The following ENOX2 variants were observed in gnomAD, a reference collection of about 807,000 sequenced individuals.
ENOX2 encodes the protein ecto-NOX disulfide-thiol exchanger 2, also known as APK1 antigen.
In ENOX2, 36 loss-of-function variants were observed where a neutral mutation model predicts 45.0. The ratio of observed to expected loss-of-function variants is 0.80; its 90% CI spans 0.61 to 1.06. The LOEUF (loss-of-function observed/expected upper bound fraction) is 1.06, where lower values mean the gene tolerates loss of function less well. Among genes scored for constraint, ENOX2 ranks in the 50% least tolerant of loss-of-function variants. ENOX2 has a pLI of 0.00. For synonymous variants in ENOX2, 174 were observed against 152.3 expected (o/e 1.14, Z -1.05); for missense variants, 423 against 462.5 (o/e 0.91, Z 0.78).
At chrX:130,889,744 A>T (rs1032146698) in intron 2 of ENOX2, among the ~76,000 whole-genome samples, 1 of 112,696 alleles carries the variant, frequency 8.9e-6, no homozygotes, top group Non-Finnish European at 1.9e-5. Context: ...TAACCATCAA[A>T]GCTGCAAACC....
intron 12 of ENOX2, among the ~76,000 whole-genome samples, chrX:130,632,498 A>G (rs1439298480): frequency 9.1e-6 from 1 of 110,075 alleles, no homozygotes; most frequent in Non-Finnish European, 1.9e-5. Flanking sequence ...CTGTTATTAT[A>G]AATGTGAAGG....
chrX:130,802,374 A>T (rs1277360839), intron 2 of ENOX2, among the ~76,000 whole-genome samples: 5 of 112,553 alleles, frequency 4.4e-5, no homozygotes, highest in African/African-American at 1.6e-4. Flanking sequence ...TACAGAAAAG[A>T]TGCAGATAAA....
chrX:130,734,669 G>C (rs187891249), intron 3 of ENOX2, among the ~76,000 whole-genome samples: 1 of 112,030 alleles, frequency 8.9e-6, no homozygotes, highest in African/African-American at 3.2e-5. Flanking sequence ...CATTTTTAAA[G>C]GCAAACTGTT....
chrX:130,708,529 GT>G (rs1234292390), intron 3 of ENOX2, among the ~76,000 whole-genome samples: 1 of 111,898 alleles, frequency 8.9e-6, no homozygotes, highest in Non-Finnish European at 1.9e-5. Context: ...TTTATTCTGT[GT>G]TCTCTTAGCT....
chrX:130,833,056 A>ACACACACACACAC (rs759746444), intron 2 of ENOX2, among the ~76,000 whole-genome samples: 2 of 91,962 alleles, frequency 2.2e-5, no homozygotes, highest in African/African-American at 8.4e-5. Flanking sequence ...CACACACACA[A>ACACACACACACAC]ACAGCACTGA....
At chrX:130,819,608 G>T (rs773736433) in intron 2 of ENOX2, among the ~76,000 whole-genome samples, 1 of 111,607 alleles carries the variant, frequency 9.0e-6, no homozygotes, top group East Asian at 2.8e-4. Context: ...ATCCTTCTCC[G>T]CAAACTAACA....
chrX:130,878,881 A>G (rs2078754608), intron 2 of ENOX2, among the ~76,000 whole-genome samples: 1 of 112,492 alleles, frequency 8.9e-6, no homozygotes, highest in Non-Finnish European at 1.9e-5. Flanking sequence ...TTTTATATTT[A>G]TTTGTTTGAT....
chrX:130,738,168 G>A (rs2038903787), intron 3 of ENOX2, among the ~76,000 whole-genome samples: 1 of 112,249 alleles, frequency 8.9e-6, no homozygotes, highest in South Asian at 3.7e-4. Context: ...TAGAAATATT[G>A]TGTAGTGTGT....
chrX:130,883,697 C>T (rs1239126843), intron 2 of ENOX2, among the ~76,000 whole-genome samples: 1 of 110,955 alleles, frequency 9.0e-6, no homozygotes, highest in African/African-American at 3.3e-5. Context: ...CTGGTGTATA[C>T]TAACCTTTAT....
chrX:130,714,594 G>A lies in ENOX2; in HGVS notation c.-38-11340C>T, dbSNP rs143330852. Among the ~76,000 whole-genome samples, 418 of 111,512 alleles carry A rather than the reference G, an allele frequency of 3.7e-3. 1 individual carries two copies. Among genetic ancestry groups the A allele is most frequent in the Admixed American group, 6.4e-3 (67 of 10,545 alleles). ...AAAACAACATAGGTAATCAATATGT[G>A]CTAGTTGTACCTGAATCTTTGGTGA... On this transcript the variant is annotated intron_variant, in intron 3 of 14. Transcript: ENST00000394363.
intron 2 of ENOX2, among the ~76,000 whole-genome samples, chrX:130,865,695 T>C (rs1238804566): frequency 8.9e-6 from 1 of 111,908 alleles, no homozygotes; most frequent in Admixed American, 9.5e-5. Flanking sequence ...ACGTTATACA[T>C]TAAATCTTCT....
At chrX:130,833,182 G>A (rs988050268) in intron 2 of ENOX2, among the ~76,000 whole-genome samples, 3 of 110,768 alleles carry the variant, frequency 2.7e-5, no homozygotes, top group Non-Finnish European at 5.7e-5. Context: ...TCTGAGATAC[G>A]GAGGGGATTT....
At chrX:130,688,551 G>A (rs1178518636) in intron 5 of ENOX2, among the ~76,000 whole-genome samples, 2 of 112,344 alleles carry the variant, frequency 1.8e-5, no homozygotes, top group East Asian at 2.8e-4. Context: ...CGGCAGTTAC[G>A]AAAAGAAAAG....
chrX:130,882,577 G>T (rs989934064), intron 2 of ENOX2, among the ~76,000 whole-genome samples: 1 of 111,536 alleles, frequency 9.0e-6, no homozygotes, highest in African/African-American at 3.3e-5. Context: ...TTATGAAAGA[G>T]ACCTTAAAAG....
At chrX:130,839,146 G>C (rs1345327898) in intron 2 of ENOX2, among the ~76,000 whole-genome samples, 1 of 112,312 alleles carries the variant, frequency 8.9e-6, no homozygotes, top group Admixed American at 9.4e-5. Context: ...AAGAGGTAGA[G>C]TTCATGCTTT....
intron 2 of ENOX2, among the ~76,000 whole-genome samples, chrX:130,887,716 C>T (rs985502558): frequency 1.8e-4 from 20 of 111,570 alleles, no homozygotes; most frequent in African/African-American, 6.2e-4. Flanking sequence ...TTGGAGAATT[C>T]GTTCGGGATT....
intron 12 of ENOX2, among the ~76,000 whole-genome samples, chrX:130,633,793 A>G (rs1305381895): frequency 8.9e-6 from 1 of 112,468 alleles, no homozygotes; most frequent in Non-Finnish European, 1.9e-5. Context: ...GAAGCAAAAC[A>G]GAGCTATGTG....
rs180966119 is a variant in ENOX2 at position 130,727,948 on chromosome X, C to T, written c.-38-24694G>A. ...TAGTTATCAATCTAATACCTCTTAG[C>T]TCCAAATTCACCCTTGTTGCCTGCT... On this transcript the variant is annotated intron_variant, in intron 3 of 14. Transcript: ENST00000394363. Among the ~76,000 whole-genome samples, 3 of 112,180 alleles carry T rather than the reference C, an allele frequency of 2.7e-5. No individual in the cohort carries two copies. The East Asian group carries it at 8.4e-4, about 31-fold the overall frequency.
chrX:130,794,365 G>T (rs1437265779), intron 2 of ENOX2, among the ~76,000 whole-genome samples: 1 of 112,123 alleles, frequency 8.9e-6, no homozygotes, highest in Non-Finnish European at 1.9e-5. Context: ...TTCCCTTCAG[G>T]CTGATTGATT....
Sources: allele counts gnomAD v4.1 joint callset (sites outside exome capture counted in the v4.1 genomes callset), GRCh38; gene constraint gnomAD v4.1.1; transcripts MANE v1.5; gene names NCBI Gene and HGNC (gene_info 2026-07-23, HGNC 2026-07-21).